Variants in IMMP2L observed in about 807,000 individuals in gnomAD.
The protein encoded by IMMP2L is mitochondrial inner membrane protease subunit 2.
Under a neutral mutation model 19.3 loss-of-function variants are expected in IMMP2L, and 18 were observed. The observed-to-expected ratio is 0.93, with a 90% CI of 0.64 to 1.38. The LOEUF (loss-of-function observed/expected upper bound fraction) is 1.38, where lower values mean the gene tolerates loss of function less well. Among genes scored for constraint, IMMP2L ranks in the 40% most tolerant of loss-of-function variants. The pLI is 0.00. For missense variants in IMMP2L, 233 were observed against 218.2 expected (o/e 1.07, Z -0.43); for synonymous variants, 76 against 73.0 (o/e 1.04, Z -0.21).
chr7:111,054,500 T>A (rs1017689391), intron 3 of IMMP2L, among the ~76,000 whole-genome samples: 2 of 152,214 alleles, frequency 1.3e-5, no homozygotes, highest in Admixed American at 6.5e-5. Context: ...TGTAGAATTA[T>A]CTTTACCAAT....
chr7:110,793,814 G>A (rs1800647280), intron 5 of IMMP2L, among the ~76,000 whole-genome samples: 1 of 151,928 alleles, frequency 6.6e-6, no homozygotes, highest in Non-Finnish European at 1.5e-5. Context: ...CTGTGTATAT[G>A]CATATCAAAA....
At chr7:111,100,274 T>C (rs1204945885) in intron 3 of IMMP2L, among the ~76,000 whole-genome samples, 1 of 151,446 alleles carries the variant, frequency 6.6e-6, no homozygotes, top group African/African-American at 2.4e-5. Context: ...ACATATTTCT[T>C]AGAATAAGCA....
At chr7:110,713,718 G>T in intron 5 of IMMP2L, among the ~76,000 whole-genome samples, 1 of 150,700 alleles carries the variant, frequency 6.6e-6, no homozygotes, top group African/African-American at 2.4e-5. Context: ...ATGGGATTGT[G>T]TTCTTGCTTG....
intron 3 of IMMP2L, among the ~76,000 whole-genome samples, chr7:111,059,406 T>C (rs551211568): frequency 2.9e-4 from 44 of 152,350 alleles, no homozygotes; most frequent in African/African-American, 1.0e-3. Context: ...ACATATAGGA[T>C]AGTGGAAAAC....
chr7:111,209,645 A>G (rs181565159), intron 3 of IMMP2L, among the ~76,000 whole-genome samples: 3 of 152,296 alleles, frequency 2.0e-5, no homozygotes, highest in Non-Finnish European at 2.9e-5. Context: ...AGCCTGTAGG[A>G]GCAAATGACT....
chr7:111,189,008 C>T (rs1808578808), intron 3 of IMMP2L, among the ~76,000 whole-genome samples: 2 of 152,046 alleles, frequency 1.3e-5, no homozygotes, highest in East Asian at 3.9e-4. Flanking sequence ...TAGCATCAGC[C>T]AGCTCCATTA....
chr7:111,024,911 C>A (rs1320308414), intron 3 of IMMP2L, among the ~76,000 whole-genome samples: 1 of 151,820 alleles, frequency 6.6e-6, no homozygotes. Context: ...TATTTTTTGT[C>A]AAAAAGAAAA....
intron 5 of IMMP2L, among the ~76,000 whole-genome samples, chr7:110,835,998 A>G (rs1804428308): frequency 6.6e-6 from 1 of 152,120 alleles, no homozygotes; most frequent in South Asian, 2.1e-4. Flanking sequence ...ATTTGTAGCT[A>G]GAAGCACCTA....
intron 3 of IMMP2L, among the ~76,000 whole-genome samples, chr7:111,286,375 C>T (rs992479657): frequency 2.0e-5 from 3 of 152,220 alleles, no homozygotes; most frequent in South Asian, 4.2e-4. Flanking sequence ...CCACGATCAA[C>T]GCAATAATGA....
intron 4 of IMMP2L, among the ~76,000 whole-genome samples, chr7:110,888,164 G>A (rs760848395): frequency 1.1e-4 from 17 of 152,136 alleles, no homozygotes; most frequent in African/African-American, 2.2e-4. Context: ...TTACTATTGC[G>A]AAGAAAGTTT....
At chr7:111,476,928 C>G (rs527709231) in intron 3 of IMMP2L, among the ~76,000 whole-genome samples, 6 of 152,106 alleles carry the variant, frequency 3.9e-5, no homozygotes, top group African/African-American at 1.2e-4. Flanking sequence ...TTAAGGTCAA[C>G]TGATTAGTAG....
At chr7:110,721,242 T>G (rs544812097) in intron 5 of IMMP2L, among the ~76,000 whole-genome samples, 2 of 152,138 alleles carry the variant, frequency 1.3e-5, no homozygotes, top group African/African-American at 4.8e-5. Flanking sequence ...TCTGGGAAAC[T>G]TTTAACCTTC....
rs943717583 is a variant in IMMP2L, at chr7:110,766,578, A to G, written c.409-102857T>C. Among the ~76,000 whole-genome samples the G allele has an allele frequency of 2.3e-5, 3 of 130,430 alleles. No individual in the cohort carries two copies. In the Admixed American group the frequency reaches 2.3e-4, roughly 10 times the overall value. The allele number at this position is 130,430 out of a possible 152,430, so 85.6% of individuals were successfully genotyped here. ...AGCCTGTGTGACAGTGTGAGACTTC[A>G]TTTAAAAAAAAAAAAAAAAAAAAAA... On this transcript the variant is annotated intron_variant, in intron 5 of 5. Transcript: ENST00000405709.
intron 3 of IMMP2L, among the ~76,000 whole-genome samples, chr7:111,133,571 T>A (rs1802047238): frequency 6.6e-6 from 1 of 151,970 alleles, no homozygotes; most frequent in South Asian, 2.1e-4. Context: ...TCAAACTTCA[T>A]TTTGTGCTAA....
chr7:111,517,400 A>T (rs1030307375), intron 2 of IMMP2L, among the ~76,000 whole-genome samples: 1 of 151,894 alleles, frequency 6.6e-6, no homozygotes, highest in Non-Finnish European at 1.5e-5. Flanking sequence ...GGCCATGCAA[A>T]TGAAAAAAGG....
chr7:111,368,773 T>C (rs1424439200), intron 3 of IMMP2L, among the ~76,000 whole-genome samples: 1 of 151,992 alleles, frequency 6.6e-6, no homozygotes, highest in East Asian at 1.9e-4. Flanking sequence ...ATAATCTTAT[T>C]TAGCAGTTCT....
intron 3 of IMMP2L, among the ~76,000 whole-genome samples, chr7:111,346,089 A>G (rs1053824928): frequency 1.3e-5 from 2 of 152,176 alleles, no homozygotes; most frequent in Admixed American, 1.3e-4. Flanking sequence ...TGTCATTGCT[A>G]TATTTCAATG....
At chr7:111,143,886 C>T (rs1803195824) in intron 3 of IMMP2L, among the ~76,000 whole-genome samples, 1 of 152,128 alleles carries the variant, frequency 6.6e-6, no homozygotes, top group South Asian at 2.1e-4. Context: ...AGCCCATATG[C>T]ACTAATCAAT....
At chr7:110,894,160 T>A (rs1811091934) in intron 4 of IMMP2L, among the ~76,000 whole-genome samples, 1 of 152,130 alleles carries the variant, frequency 6.6e-6, no homozygotes, top group Non-Finnish European at 1.5e-5. Flanking sequence ...CAAACCCCCT[T>A]TAAAAGCCCC....
Sources: gnomAD v4.1 joint callset for allele counts (sites outside exome capture counted in the v4.1 genomes callset) on GRCh38, gnomAD v4.1.1 for gene constraint, MANE v1.5 for transcripts, NCBI Gene and HGNC (gene_info 2026-07-23, HGNC 2026-07-21) for gene names.